The following PDE4D variants were observed in gnomAD, a reference collection of about 807,000 sequenced individuals.
The protein encoded by PDE4D is 3',5'-cyclic-AMP phosphodiesterase 4D.
Under a neutral mutation model 87.4 loss-of-function variants are expected in PDE4D, and 24 were observed. The ratio of observed to expected loss-of-function variants is 0.27; its 90% CI spans 0.20 to 0.39. The LOEUF is 0.39. Among genes scored for constraint, PDE4D ranks in the 10% least tolerant of loss-of-function variants. The pLI is 1.00. For missense variants in PDE4D, 714 were observed against 1,041.0 expected (o/e 0.69, Z 4.32); for synonymous variants, 384 against 383.2 (o/e 1.00, Z -0.02).
At chr5:59,820,220 C>G (rs1769474335) in intron 1 of PDE4D, among the ~76,000 whole-genome samples, 1 of 152,164 alleles carries the variant, frequency 6.6e-6, no homozygotes, top group Non-Finnish European at 1.5e-5. Context: ...GTTATTATTT[C>G]TTCACACACA....
chr5:59,498,686 G>A (rs1807679533), intron 1 of PDE4D, among the ~76,000 whole-genome samples: 1 of 151,696 alleles, frequency 6.6e-6, no homozygotes, highest in Non-Finnish European at 1.5e-5. Context: ...GACCAAGAAA[G>A]GCATTACATA....
At chr5:60,061,947 C>G (rs573232784) in intron 2 of PDE4D, among the ~76,000 whole-genome samples, 2 of 152,104 alleles carry the variant, frequency 1.3e-5, no homozygotes, top group Non-Finnish European at 2.9e-5. Flanking sequence ...ATGTAAAACC[C>G]AAAACCATAA....
Position 59,239,556 on chromosome 5 carries a change from C to G in PDE4D, c.456-23588G>C, listed in dbSNP as rs115616558. On this transcript the variant is annotated intron_variant, in intron 1 of 14. Transcript: ENST00000340635. ...TTTTAGCATTTCATATCCATTGTCT[C>G]ATTTGATTTTTATTACTATGCCGGA... Among the ~76,000 whole-genome samples the G allele has an allele frequency of 1.7e-3, 265 of 152,260 alleles. 2 individuals are homozygous for G. The highest frequency in any genetic ancestry group is 5.9e-3 in the African/African-American group (245 of 41,560).
chr5:59,969,545 G>A (rs1344489656), intron 3 of PDE4D, among the ~76,000 whole-genome samples: 1 of 152,122 alleles, frequency 6.6e-6, no homozygotes, highest in African/African-American at 2.4e-5. Flanking sequence ...GGAATGACTT[G>A]TCTCTGAAAT....
At chr5:60,353,074 C>T (rs1759336121) in intron 1 of PDE4D, among the ~76,000 whole-genome samples, 1 of 152,160 alleles carries the variant, frequency 6.6e-6, no homozygotes, top group Admixed American at 6.6e-5. Context: ...GGGCTGAATA[C>T]ATCTAAGTTG....
intron 1 of PDE4D, among the ~76,000 whole-genome samples, chr5:59,772,492 T>A (rs1001103206): frequency 2.0e-5 from 3 of 152,228 alleles, no homozygotes; most frequent in Non-Finnish European, 4.4e-5. Context: ...ATTTGTGGGA[T>A]TTTTTAGATT....
chr5:60,100,432 T>C (rs951965694), intron 2 of PDE4D, among the ~76,000 whole-genome samples: 2 of 151,564 alleles, frequency 1.3e-5, no homozygotes, highest in African/African-American at 4.8e-5. Flanking sequence ...AAGGAAGAGA[T>C]AAAAGAGAAG....
intron 1 of PDE4D, among the ~76,000 whole-genome samples, chr5:59,424,668 G>GC (rs1163905214): frequency 6.6e-6 from 1 of 152,126 alleles, no homozygotes; most frequent in Non-Finnish European, 1.5e-5. Context: ...TGGGGAAACT[G>GC]CCCCCATGAT....
At chr5:58,982,104 C>T (rs1745305980) in intron 11 of PDE4D, among the ~76,000 whole-genome samples, 1 of 152,168 alleles carries the variant, frequency 6.6e-6, no homozygotes, top group African/African-American at 2.4e-5. Context: ...GCTAGCAGCA[C>T]ATAAATTTGC....
intron 3 of PDE4D, among the ~76,000 whole-genome samples, chr5:59,956,697 T>C (rs921243437): frequency 6.6e-6 from 1 of 152,230 alleles, no homozygotes; most frequent in Admixed American, 6.5e-5. Flanking sequence ...AAATGCTTCA[T>C]TTTATATGCT....
At chr5:59,945,934 C>T (rs1348840775) in intron 3 of PDE4D, among the ~76,000 whole-genome samples, 2 of 152,172 alleles carry the variant, frequency 1.3e-5, no homozygotes, top group Non-Finnish European at 2.9e-5. Context: ...GTAGCTCTAA[C>T]AGCCCCTGAG....
At position 59,428,862 on chromosome 5, in the gene PDE4D, GGTAA is replaced by G. The variant is rs561618108; in HGVS notation, c.456-212898_456-212895del. The stretch of plus-strand genomic sequence containing the variant: ...TTATTTAATTGATTTACTAGCCATA[GGTAA>G]GTAATGTATTCTACTGAAAGAAAAG... On this transcript the variant is annotated intron_variant, in intron 1 of 14. Transcript: ENST00000340635. Among the ~76,000 whole-genome samples the G allele has an allele frequency of 1.4e-4, 21 of 152,188 alleles. No individual in the cohort carries two copies. The South Asian group carries it at 3.7e-3, about 27-fold the overall frequency.
chr5:60,070,375 G>A (rs1426240348), intron 2 of PDE4D, among the ~76,000 whole-genome samples: 1 of 151,948 alleles, frequency 6.6e-6, no homozygotes, highest in Non-Finnish European at 1.5e-5. Flanking sequence ...ATTTGTATTT[G>A]ACATAATCTA....
chr5:59,540,475 A>G (rs1274525961), intron 1 of PDE4D, among the ~76,000 whole-genome samples: 2 of 152,156 alleles, frequency 1.3e-5, no homozygotes, highest in Non-Finnish European at 2.9e-5. Context: ...ATAGCAAAAC[A>G]TGTTTTGCCT....
At chr5:60,467,420 T>C (rs1004932308) in intron 1 of PDE4D, among the ~76,000 whole-genome samples, 2 of 152,182 alleles carry the variant, frequency 1.3e-5, no homozygotes, top group Admixed American at 6.5e-5. Flanking sequence ...GCCCCAGAAA[T>C]GTGCTTTCCT....
At chr5:60,031,870 T>C (rs1190477158) in intron 2 of PDE4D, among the ~76,000 whole-genome samples, 2 of 152,188 alleles carry the variant, frequency 1.3e-5, no homozygotes, top group African/African-American at 2.4e-5. Context: ...CAAAACCTGA[T>C]GTAATTACAT....
At chr5:59,550,477 A>C (rs1817929446) in intron 1 of PDE4D, among the ~76,000 whole-genome samples, 1 of 152,216 alleles carries the variant, frequency 6.6e-6, no homozygotes, top group Non-Finnish European at 1.5e-5. Context: ...GCTAATGAAT[A>C]AGAATGTCCT....
chr5:59,530,489 A>G (rs1406601275), intron 1 of PDE4D, among the ~76,000 whole-genome samples: 7 of 152,168 alleles, frequency 4.6e-5, no homozygotes. Flanking sequence ...ACTTTAAAGC[A>G]TCTCCAGATT....
chr5:59,625,005 C>T (rs964194213), intron 1 of PDE4D, among the ~76,000 whole-genome samples: 5 of 152,176 alleles, frequency 3.3e-5, no homozygotes, highest in African/African-American at 1.2e-4. Flanking sequence ...TTACCCTCAG[C>T]CCTGGTGTTA....
Sources: gnomAD v4.1 joint callset for allele counts (sites outside exome capture counted in the v4.1 genomes callset) on GRCh38, gnomAD v4.1.1 for gene constraint, MANE v1.5 for transcripts, NCBI Gene and HGNC (gene_info 2026-07-23, HGNC 2026-07-21) for gene names.